Variants in PTK2B observed in about 807,000 individuals in gnomAD.
PTK2B encodes the protein protein tyrosine kinase 2 beta, also known as protein-tyrosine kinase 2-beta.
Under a neutral mutation model 142.9 loss-of-function variants are expected in PTK2B, and 71 were observed. That is an observed-to-expected ratio of 0.50 (90% CI 0.41 to 0.61). The LOEUF (loss-of-function observed/expected upper bound fraction) is 0.61. Among genes scored for constraint, PTK2B ranks in the 20% least tolerant of loss-of-function variants. The pLI, the probability that PTK2B is intolerant of heterozygous loss-of-function variation, is 0.00. For missense variants in PTK2B, 1,105 were observed against 1,320.4 expected, an observed-to-expected ratio of 0.84 and a Z score of 2.53; for synonymous variants, 519 against 503.4, an observed-to-expected ratio of 1.03 and a Z score of -0.42.
At chr8:27,442,280 G>A (rs1034210091) in intron 21 of PTK2B, among the ~76,000 whole-genome samples, 1 of 152,124 alleles carries the variant, frequency 6.6e-6, no homozygotes, top group African/African-American at 2.4e-5. Flanking sequence ...TATAATACTT[G>A]CTACCCATAT....
At chr8:27,322,508 G>A (rs1803242153), upstream of PTK2B, 1 of 152,178 alleles carries the variant, frequency 6.6e-6, no homozygotes, top group Admixed American at 6.5e-5. Flanking sequence ...AGGTATGTAT[G>A]TACTATCTCC....
At chr8:27,317,222 G>T (rs1803113567) in intron 3 of PTK2B, among the ~76,000 whole-genome samples, 1 of 152,110 alleles carries the variant, frequency 6.6e-6, no homozygotes, top group African/African-American at 2.4e-5. Context: ...GCCAGAACTG[G>T]GTCACATGTT....
At chr8:27,346,914 T>A (rs1804745075) in intron 1 of PTK2B, among the ~76,000 whole-genome samples, 1 of 152,216 alleles carries the variant, frequency 6.6e-6, no homozygotes, top group South Asian at 2.1e-4. Context: ...TGATGACTGT[T>A]TTGCAGTTTG....
intron 28 of PTK2B, among the ~76,000 whole-genome samples, chr8:27,453,502 T>A (rs146546566): frequency 7.0e-4 from 107 of 152,262 alleles, no homozygotes; most frequent in African/African-American, 2.2e-3. Flanking sequence ...CTTACAGCCA[T>A]CTGGGGTGGT....
At chr8:27,436,603 T>G (rs978671848) in intron 15 of PTK2B, among the ~76,000 whole-genome samples, 1 of 152,062 alleles carries the variant, frequency 6.6e-6, no homozygotes, top group Admixed American at 6.5e-5. Context: ...GGGTCAGTAT[T>G]CTTGGTGGGA....
At position 27,440,566 on chromosome 8, in the gene PTK2B, G is replaced by A. The variant is rs141199480; in HGVS notation, c.2039+125G>A. 3.0e-4 allele frequency: 334 copies of A among 1,118,662 alleles called. 3 individuals carry two copies. The African/African-American group carries it at 4.5e-3, about 15-fold the overall frequency. 69.3% of individuals were successfully genotyped at this position (1,118,662 alleles called of 1,614,324 possible). A position where few individuals can be genotyped will look rare whatever the true frequency, so the allele number is the denominator to read the frequency against. Reference sequence around the variant, plus strand: ...GACGGGCCAGGGTCAAGGACAGGAGGCTGAAGCCAGGTTCACTGTCAGATA... The same window carrying A: ...GACGGGCCAGGGTCAAGGACAGGAGACTGAAGCCAGGTTCACTGTCAGATA... On this transcript the variant is annotated intron_variant, in intron 21 of 30. Transcript: ENST00000346049.
chr8:27,316,372 G>A (rs1043393991), intron 3 of PTK2B, among the ~76,000 whole-genome samples: 1 of 151,432 alleles, frequency 6.6e-6, no homozygotes, highest in Non-Finnish European at 1.5e-5. Context: ...TATATAAAAA[G>A]GCAAGACTCA....
rs199794154 is a variant in PTK2B, at chr8:27,437,167, T to C, written c.1387T>C (p.Cys463Arg). 11 of 1,613,990 alleles carry C rather than the reference T, an allele frequency of 6.8e-6. No individual in the cohort carries two copies. The Admixed American group carries it at 1.0e-4, about 15-fold the overall frequency. The change falls in exon 16 of 31, where the codon TGC (cysteine) becomes CGC (arginine). Residue 463 changes from cysteine (C) to arginine (R), a missense_variant. Physicochemically the swap from Cys to Arg is radical, Grantham distance 180. Transcript: ENST00000346049. ...AGCTGTCAAGACCTGCAAGAAAGAC[T>C]GCACTCTGGACAACAAGGAGAAGTT... The part of the protein sequence containing the change: ...NVAVKTCKKD[C>R]TLDNKEKFMS...
chr8:27,434,657 G>A (rs1017449152), intron 13 of PTK2B, 98 bp downstream of exon 13: 10 of 1,346,836 alleles, frequency 7.4e-6, no homozygotes, highest in Non-Finnish European at 1.0e-5. Context: ...TTTCCTCCAA[G>A]TGACAGAAAA....
At position 27,437,180 on chromosome 8, in the gene PTK2B, A is replaced by G. The variant is rs755610010; in HGVS notation, c.1400A>G (p.Asn467Ser). ...KTCKKDCTLD[N>S]KEKFMSEAVI... ...TGCAAGAAAGACTGCACTCTGGACA[A>G]CAAGGAGAAGTTCATGAGCGAGGCA... The change falls in exon 16 of 31, where the codon AAC (asparagine) becomes AGC (serine). Residue 467 changes from asparagine to serine, a missense_variant. Physicochemically the swap from Asn to Ser is conservative, Grantham distance 46. Coordinates refer to ENST00000346049, the MANE Select transcript of PTK2B (RefSeq NM_173176.3). 4 of 1,614,030 alleles carry G rather than the reference A, an allele frequency of 2.5e-6. No homozygotes were observed. Among genetic ancestry groups the G allele is most frequent in the East Asian group, 2.2e-5 (1 of 44,860 alleles).
At chr8:27,437,958 G>A (rs1343241535) in intron 18 of PTK2B, 78 bp downstream of exon 18, 4 of 1,262,172 alleles carry the variant, frequency 3.2e-6, no homozygotes, top group South Asian at 2.6e-5. Flanking sequence ...TAGAAGCAGG[G>A]CTTGTGGGTG....
At chr8:27,374,183 G>C (rs1806528311) in intron 1 of PTK2B, among the ~76,000 whole-genome samples, 1 of 152,186 alleles carries the variant, frequency 6.6e-6, no homozygotes, top group Admixed American at 6.5e-5. Context: ...CATGTGCAGT[G>C]CACATAGACA....
chr8:27,427,301 C>T (rs940391109), intron 5 of PTK2B, among the ~76,000 whole-genome samples: 17 of 152,184 alleles, frequency 1.1e-4, no homozygotes, highest in African/African-American at 3.9e-4. Flanking sequence ...CATCTTGAAG[C>T]CTTTTCTGCC....
At chr8:27,409,778 A>G (rs1001389446) in intron 2 of PTK2B, among the ~76,000 whole-genome samples, 2 of 152,158 alleles carry the variant, frequency 1.3e-5, no homozygotes, top group East Asian at 1.9e-4. Context: ...CTGAAGTGCA[A>G]TGGTGCGATA....
At position 27,435,700 on chromosome 8, in the gene PTK2B, A is replaced by G. The variant is rs200708471; in HGVS notation, c.1193-43A>G. ...CACCTGATTCCTGGCGGTGCCCACC[A>G]AGGGCATCTTGTCCACGGCTGAGCC... On this transcript the variant is annotated intron_variant, in intron 13 of 30. Coordinates refer to ENST00000346049, the MANE Select transcript of PTK2B (RefSeq NM_173176.3). 5.6e-6 allele frequency: 9 copies of G among 1,608,630 alleles called. No individual in the cohort carries two copies. In the East Asian group the frequency reaches 1.8e-4, roughly 32 times the overall value.
rs771285765 is a variant in PTK2B at position 27,458,906 on chromosome 8, C to G, written c.*397C>G. On this transcript the variant is annotated 3_prime_UTR_variant, in exon 31 of 31. Transcript: ENST00000346049. ...TATTCCTTTCCCTTCCTCTTCGGCC[C>G]TCAGATGTCCCTTGATGCACAGAGA... The G allele has an allele frequency of 8.6e-6, 3 of 347,420 alleles. No individual in the cohort carries two copies. Among genetic ancestry groups the G allele is most frequent in the Non-Finnish European group, 1.6e-5 (3 of 186,214 alleles). The allele number at this position is 347,420 out of a possible 1,614,324, so 21.5% of individuals were successfully genotyped here. A position where few individuals can be genotyped will look rare whatever the true frequency, so the allele number is the denominator to read the frequency against.
Position 27,397,577 on chromosome 8 carries a change from C to A in PTK2B, c.-8C>A. 2 of 1,613,110 alleles carry A rather than the reference C, an allele frequency of 1.2e-6. No individual in the cohort carries two copies. The highest frequency in any genetic ancestry group is 1.7e-6 in the Non-Finnish European group (2 of 1,179,906). ...GCAATGTGCCGATCTTAGCTGCTGC[C>A]TGAGAGGATGTCTGGGGTGTCCGAG... On this transcript the variant is annotated 5_prime_UTR_variant, in exon 2 of 31. It adds an upstream start codon to the 5' untranslated region. Coordinates refer to ENST00000346049, the MANE Select transcript of PTK2B (RefSeq NM_173176.3).
intron 29 of PTK2B, 79 bp downstream of exon 29, chr8:27,454,370 G>C (rs1047913994): frequency 1.3e-6 from 2 of 1,571,122 alleles, no homozygotes; most frequent in African/African-American, 2.7e-5. Context: ...CTTCCTGTTG[G>C]CTGGCCCAGC....
chr8:27,311,259 C>T, upstream of PTK2B: 1 of 1,478,996 alleles, frequency 6.8e-7, no homozygotes, highest in Non-Finnish European at 9.0e-7. Context: ...GGCTCGGGCG[C>T]CCGGAACTTT....
Sources: gnomAD v4.1 joint callset for allele counts (sites outside exome capture counted in the v4.1 genomes callset) on GRCh38, gnomAD v4.1.1 for gene constraint, MANE v1.5 for transcripts, NCBI Gene and HGNC (gene_info 2026-07-23, HGNC 2026-07-21) for gene names.